OSBP2: variants seen among roughly 807,000 people sequenced by gnomAD.
The protein encoded by OSBP2 is oxysterol binding protein 2, also known as oxysterol-binding protein 2.
Under a neutral mutation model 96.0 loss-of-function variants are expected in OSBP2, and 66 were observed. That is an observed-to-expected ratio of 0.69 (90% confidence interval 0.56 to 0.84). The LOEUF is 0.84. Among genes scored for constraint, OSBP2 ranks in the 40% least tolerant of loss-of-function variants. OSBP2 has a pLI of 0.00. For missense variants in OSBP2, 1,038 were observed against 1,222.7 expected, an observed-to-expected ratio of 0.85 and a Z score of 2.25; for synonymous variants, 525 against 520.9, an observed-to-expected ratio of 1.01 and a Z score of -0.11.
rs1328613196 is a variant in OSBP2 at position 30,881,765 on chromosome 22, C to T, written c.1108-5661C>T. 7.7e-7 allele frequency: 1 copy of T among 1,304,204 alleles called. No homozygotes were observed. The highest frequency in any genetic ancestry group is 2.3e-5 in the Admixed American group (1 of 43,572). 80.8% of individuals were successfully genotyped at this position (1,304,204 alleles called of 1,614,324 possible). ...GATGGGGCCTGGAGAAGGCCGGCAG[C>T]AGCAGAGGAGACCCTGGGAGTCAGG... On this transcript the variant is annotated intron_variant, in intron 3 of 13. Coordinates refer to ENST00000332585, the MANE Select transcript of OSBP2 (RefSeq NM_030758.4). This position sits in a 1 kb window ranked among gnomAD's most constrained non-coding sequence, Gnocchi z 4.5.
chr22:30,900,170 C>T (rs559706284), intron 12 of OSBP2, among the ~76,000 whole-genome samples: 1 of 152,016 alleles, frequency 6.6e-6, no homozygotes, highest in South Asian at 2.1e-4. Flanking sequence ...AGGAGAATCA[C>T]TTGAACCCAG....
intron 2 of OSBP2, among the ~76,000 whole-genome samples, chr22:30,795,902 AATGCTCC>A (rs1303186969): frequency 2.0e-5 from 3 of 152,322 alleles, no homozygotes; most frequent in Non-Finnish European, 4.4e-5. Context: ...ATTCTGTTGA[AATGCTCC>A]ATGTATTCAT....
intron 12 of OSBP2, among the ~76,000 whole-genome samples, chr22:30,895,873 G>T (rs1190562492): frequency 6.6e-6 from 1 of 151,454 alleles, no homozygotes; most frequent in Non-Finnish European, 1.5e-5. Flanking sequence ...GGGAGGCAGA[G>T]GTTGCAGTGA....
intron 2 of OSBP2, among the ~76,000 whole-genome samples, chr22:30,773,673 T>C (rs1270280582): frequency 6.6e-6 from 1 of 151,710 alleles, no homozygotes; most frequent in Admixed American, 6.6e-5. Context: ...AAGTGGGCGC[T>C]GGTGCTCTGG....
rs966491056 is a variant in OSBP2, at chr22:30,893,237, C to T, written c.1985C>T (p.Pro662Leu). 1.1e-5 allele frequency: 17 copies of T among 1,613,926 alleles called. No individual in the cohort carries two copies. Among genetic ancestry groups the T allele is most frequent in the Middle Eastern group, 1.6e-4 (1 of 6,082 alleles). ...KFRGKYISIM[P>L]LGAIHLEFQA... ...CGGGGAAAATACATCTCCATCATGC[C>T]GCTAGGTGAGCTGGGGCCCGGTGCC... is the stretch of plus-strand genomic sequence containing the variant. The change falls in exon 9 of 14, where the codon CCG becomes CTG. Residue 662 changes from proline to leucine, a missense_variant. Physicochemically the swap from Pro to Leu is moderately conservative, Grantham distance 98. Coordinates refer to ENST00000332585, the MANE Select transcript of OSBP2 (RefSeq NM_030758.4).
intron 2 of OSBP2, among the ~76,000 whole-genome samples, chr22:30,855,136 C>A (rs947107337): frequency 4.6e-5 from 7 of 152,196 alleles, no homozygotes; most frequent in African/African-American, 1.4e-4. Context: ...CACAGCCAAA[C>A]CATATGAGTA....
intron 3 of OSBP2, among the ~76,000 whole-genome samples, chr22:30,877,255 A>G (rs1204885712): frequency 6.6e-6 from 1 of 151,936 alleles, no homozygotes; most frequent in Non-Finnish European, 1.5e-5. Context: ...ATTTTTTTTG[A>G]CTCTGATAAA....
intron 2 of OSBP2, among the ~76,000 whole-genome samples, chr22:30,783,302 CTTTTTTTTTTTTTT>C (rs35470453): frequency 2.9e-5 from 1 of 34,710 alleles, no homozygotes; most frequent in Non-Finnish European, 5.1e-5. Context: ...ATTCAGAGAG[CTTTTTTTTTTTTTT>C]TTTTTTTTTT....
chr22:30,773,436 G>T (rs573481913), intron 2 of OSBP2, among the ~76,000 whole-genome samples: 5 of 152,158 alleles, frequency 3.3e-5, no homozygotes, highest in Admixed American at 2.0e-4. Context: ...CTCCTTCATA[G>T]CACCCACCCT....
intron 2 of OSBP2, among the ~76,000 whole-genome samples, chr22:30,796,834 A>G (rs2090770697): frequency 6.6e-6 from 1 of 152,212 alleles, no homozygotes; most frequent in Non-Finnish European, 1.5e-5. Context: ...GTAGCAAAAT[A>G]CACATATCAT....
At chr22:30,896,647 A>ATTTT (rs60421891) in intron 12 of OSBP2, among the ~76,000 whole-genome samples, 2 of 143,984 alleles carry the variant, frequency 1.4e-5, no homozygotes, top group African/African-American at 5.1e-5. Context: ...GGCAAACTGG[A>ATTTT]TTTTTTTTTT....
At chr22:30,762,179 A>C (rs1377178692) in intron 2 of OSBP2, among the ~76,000 whole-genome samples, 6 of 152,158 alleles carry the variant, frequency 3.9e-5, no homozygotes, top group African/African-American at 1.4e-4. Context: ...CCGAGATTAC[A>C]CTACTGCACT....
At position 30,706,525 on chromosome 22, in the gene OSBP2, C is replaced by T. The variant is rs541722229; in HGVS notation, c.644+10972C>T. On this transcript the variant is annotated intron_variant, in intron 1 of 13. Coordinates refer to ENST00000332585, the MANE Select transcript of OSBP2 (RefSeq NM_030758.4). ...GAGGAGGGCAGATGGTGTGGCTGAG[C>T]TTGCATAGGAAACTGCCAGATTGCA... 1.7e-3 allele frequency among the ~76,000 whole-genome samples: 261 copies of T among 152,274 alleles called. 1 individual carries two copies. The highest frequency in any genetic ancestry group is 5.8e-3 in the African/African-American group (239 of 41,558).
At chr22:30,876,975 T>C (rs1056650798) in intron 3 of OSBP2, among the ~76,000 whole-genome samples, 1 of 152,136 alleles carries the variant, frequency 6.6e-6, no homozygotes. Context: ...ATCCCTGTCC[T>C]GGCACCACTG....
chr22:30,752,305 T>TG (rs1289184551), intron 2 of OSBP2, among the ~76,000 whole-genome samples: 2 of 128,320 alleles, frequency 1.6e-5, no homozygotes, highest in African/African-American at 6.0e-5. Flanking sequence ...TTTTTTTTTT[T>TG]TTTTTTTTTT....
chr22:30,825,475 A>G (rs1053064959), intron 2 of OSBP2, among the ~76,000 whole-genome samples: 3 of 152,210 alleles, frequency 2.0e-5, no homozygotes, highest in Admixed American at 6.5e-5. Flanking sequence ...CAGTCTGTCA[A>G]TCACCTATGT....
chr22:30,887,530 G>A lies in OSBP2; in HGVS notation c.1212G>A (p.Glu404=). ...GCGTGCACTTGGAGGAAACCATTGA[G>A]CAGCTGGCGAAGCAGCACAACAGCC... is the stretch of plus-strand genomic sequence containing the variant. ...EQRVHLEETI[E]QLAKQHNSLE... is the part of the protein sequence containing the mutation. Residue 404 remains glutamate (E), a synonymous_variant, in exon 4 of 14, where the codon GAG becomes GAA. Transcript: ENST00000332585. 1 of 1,613,670 alleles carries A rather than the reference G, an allele frequency of 6.2e-7. No homozygotes were observed. Among genetic ancestry groups the A allele is most frequent in the Non-Finnish European group, 8.5e-7 (1 of 1,180,030 alleles).
chr22:30,860,672 T>G (rs928398628), intron 2 of OSBP2, among the ~76,000 whole-genome samples: 1 of 152,078 alleles, frequency 6.6e-6, no homozygotes, highest in African/African-American at 2.4e-5. Context: ...CTACACAGGG[T>G]GAGTGAGTGA....
At chr22:30,727,094 G>A (rs2089663992) in intron 1 of OSBP2, among the ~76,000 whole-genome samples, 1 of 152,188 alleles carries the variant, frequency 6.6e-6, no homozygotes, top group Non-Finnish European at 1.5e-5. Flanking sequence ...CCCAGCCTAT[G>A]CATGTGGAAC....
Sources: gnomAD v4.1 joint callset for allele counts (sites outside exome capture counted in the v4.1 genomes callset) on GRCh38, gnomAD v4.1.1 for gene constraint, Gnocchi (gnomAD v3.1) non-coding constraint, MANE v1.5 for transcripts, NCBI Gene and HGNC (gene_info 2026-07-23, HGNC 2026-07-21) for gene names.